HMGN3: variants seen among roughly 807,000 people sequenced by gnomAD.
HMGN3 encodes high mobility group nucleosomal binding domain 3, also known as high mobility group nucleosome-binding domain-containing protein 3.
In HMGN3, 6 loss-of-function variants were observed where a neutral mutation model predicts 18.8. The observed-to-expected ratio is 0.32, with a 90% CI of 0.18 to 0.63. The LOEUF is 0.63. Among genes scored for constraint, HMGN3 ranks in the 30% least tolerant of loss-of-function variants. The pLI is 0.79. For missense variants in HMGN3, 107 were observed against 114.2 expected (o/e 0.94, Z 0.29); for synonymous variants, 40 against 36.5 (o/e 1.10, Z -0.35).
intron 1 of HMGN3, among the ~76,000 whole-genome samples, chr6:79,217,980 C>G (rs950187259): frequency 6.6e-6 from 1 of 152,356 alleles, no homozygotes; most frequent in Middle Eastern, 3.4e-3. Flanking sequence ...CAGGACACAA[C>G]AGGCTTACAC....
exon 6 of HMGN3, chr6:79,201,565 A>G (rs1027931363): frequency 5.9e-6 from 4 of 679,790 alleles, no homozygotes; most frequent in Middle Eastern, 3.3e-4. Context: ...CCATCCTTAT[A>G]TATTTTCGTA....
rs1006890976 is a variant in HMGN3 at position 79,229,787 on chromosome 6, A to G, written c.15+4759T>C. ...CAGCTACTCGGGAGACTGAGGCAGG[A>G]GAATGGTGTGAACCCGGGAGGCGGA... On this transcript the variant is annotated intron_variant, in intron 1 of 5. Coordinates refer to ENST00000344726, the Ensembl canonical transcript of HMGN3. Among the ~76,000 whole-genome samples, 26 of 152,122 alleles carry G rather than the reference A, an allele frequency of 1.7e-4. No homozygotes were observed. In the East Asian group the frequency reaches 4.5e-3, roughly 26 times the overall value.
chr6:79,219,052 G>C (rs1777140265), intron 1 of HMGN3, among the ~76,000 whole-genome samples: 1 of 152,080 alleles, frequency 6.6e-6, no homozygotes, highest in East Asian at 1.9e-4. Context: ...GGTATCAGTA[G>C]GAAGGCAAAG....
chr6:79,201,693 C>T (rs755506120), exon 6 of HMGN3: 1 of 1,589,136 alleles, frequency 6.3e-7, no homozygotes, highest in South Asian at 1.1e-5. Context: ...ACAATTCATT[C>T]TCCCTCGTTA....
At chr6:79,231,245 ATG>A (rs1457985024) in intron 1 of HMGN3, among the ~76,000 whole-genome samples, 1 of 152,220 alleles carries the variant, frequency 6.6e-6, no homozygotes, top group Non-Finnish European at 1.5e-5. Flanking sequence ...TCGCTGGCTC[ATG>A]TCTCTTCGTA....
At chr6:79,234,521 G>T in intron 1 of HMGN3, 25 bp downstream of exon 1, 9 of 1,608,456 alleles carry the variant, frequency 5.6e-6, no homozygotes, top group Non-Finnish European at 7.7e-6. Flanking sequence ...GAAGGCTTTT[G>T]AAATCTTTTT....
intron 3 of HMGN3, among the ~76,000 whole-genome samples, chr6:79,204,923 T>C (rs1445484249): frequency 1.3e-5 from 2 of 152,258 alleles, no homozygotes; most frequent in African/African-American, 4.8e-5. Context: ...TGATATACTG[T>C]ATTAATATAC....
intron 3 of HMGN3, among the ~76,000 whole-genome samples, chr6:79,206,464 C>G (rs1776425116): frequency 1.3e-5 from 2 of 152,150 alleles, no homozygotes; most frequent in Non-Finnish European, 2.9e-5. Context: ...TGTGGAAGCC[C>G]CAAGCTTTGG....
chr6:79,204,916 T>TA, intron 3 of HMGN3, among the ~76,000 whole-genome samples: 1 of 152,238 alleles, frequency 6.6e-6, no homozygotes, highest in Non-Finnish European at 1.5e-5. Flanking sequence ...TAAGCTTTGA[T>TA]ATACTGTATT....
At chr6:79,203,553 C>T (rs1197753568) in intron 4 of HMGN3, 27 bp downstream of exon 4, 2 of 1,595,752 alleles carry the variant, frequency 1.3e-6, no homozygotes, top group East Asian at 2.2e-5. Flanking sequence ...GTTTAAAAAG[C>T]CAAAAGTGGG....
exon 6 of HMGN3, chr6:79,201,307 C>A (rs1416282064): frequency 1.1e-5 from 2 of 181,464 alleles, no homozygotes; most frequent in Non-Finnish European, 2.3e-5. Flanking sequence ...CCACAACTAT[C>A]CATGTTTCAT....
chr6:79,218,798 A>T (rs1229433315), intron 1 of HMGN3, among the ~76,000 whole-genome samples: 1 of 152,208 alleles, frequency 6.6e-6, no homozygotes, highest in African/African-American at 2.4e-5. Flanking sequence ...TATGTTTTAT[A>T]TTAAAATGTT....
chr6:79,202,428 A>T, intron 4 of HMGN3, 39 bp from the exon 5 acceptor site: 1 of 1,493,120 alleles, frequency 6.7e-7, no homozygotes, highest in Non-Finnish European at 9.3e-7. Context: ...AGAATGTTAG[A>T]CACGGTGTGA....
At chr6:79,209,505 T>C (rs1367749624) in intron 2 of HMGN3, among the ~76,000 whole-genome samples, 2 of 152,210 alleles carry the variant, frequency 1.3e-5, no homozygotes, top group Non-Finnish European at 1.5e-5. Context: ...TCCAGTACAG[T>C]AGGGTACTGG....
At chr6:79,201,683 A>T (rs1776143555) in exon 6 of HMGN3, 1 of 1,572,190 alleles carries the variant, frequency 6.4e-7, no homozygotes, top group Admixed American at 1.7e-5. Context: ...ATTTTTCATG[A>T]CAATTCATTC....
intron 1 of HMGN3, among the ~76,000 whole-genome samples, chr6:79,231,194 G>A (rs1777821990): frequency 6.6e-6 from 1 of 152,188 alleles, no homozygotes; most frequent in African/African-American, 2.4e-5. Context: ...GTAAAAATGT[G>A]TTTCCTGTCG....
chr6:79,206,027 T>C (rs1413349950), intron 3 of HMGN3, among the ~76,000 whole-genome samples: 1 of 152,142 alleles, frequency 6.6e-6, no homozygotes, highest in Non-Finnish European at 1.5e-5. Context: ...ATTTAGGGTA[T>C]CTGGTGGAAA....
At chr6:79,224,398 T>C (rs191240172) in intron 1 of HMGN3, among the ~76,000 whole-genome samples, 2 of 152,336 alleles carry the variant, frequency 1.3e-5, no homozygotes, top group Admixed American at 1.3e-4. Context: ...AAATGATATG[T>C]AAAGGAGTGC....
At chr6:79,234,178 C>T (rs1358254206) in intron 1 of HMGN3, 1 of 208,302 alleles carries the variant, frequency 4.8e-6, no homozygotes, top group Non-Finnish European at 9.6e-6. Context: ...TTTCTCCTCT[C>T]GCTGTTTTCC....
Sources: allele counts gnomAD v4.1 joint callset (sites outside exome capture counted in the v4.1 genomes callset), GRCh38; gene constraint gnomAD v4.1.1; transcripts MANE v1.5; gene names NCBI Gene and HGNC (gene_info 2026-07-23, HGNC 2026-07-21).